ARMC3: variants seen among roughly 807,000 people sequenced by gnomAD.
ARMC3 encodes armadillo repeat containing 3, also known as armadillo repeat-containing protein 3.
In ARMC3, 74 loss-of-function variants were observed where a neutral mutation model predicts 90.3. That is an observed-to-expected ratio of 0.82 (90% CI 0.68 to 0.99). The LOEUF (loss-of-function observed/expected upper bound fraction) is 0.99. ARMC3 is among the 50% of genes least tolerant of loss of function. The pLI, the probability that ARMC3 is intolerant of heterozygous loss-of-function variation, is 0.00. For missense variants in ARMC3, 958 were observed against 1,042.8 expected, an observed-to-expected ratio of 0.92 and a Z score of 1.12; for synonymous variants, 334 against 361.8, an observed-to-expected ratio of 0.92 and a Z score of 0.87.
chr10:22,978,273 G>A (rs1187014611), intron 8 of ARMC3, among the ~76,000 whole-genome samples: 4 of 152,314 alleles, frequency 2.6e-5, no homozygotes, highest in South Asian at 2.1e-4. Context: ...CAGTTCTGCC[G>A]GGCTGGGGAA....
chr10:22,930,644 G>A (rs1833892507), intron 1 of ARMC3, among the ~76,000 whole-genome samples: 2 of 152,148 alleles, frequency 1.3e-5, no homozygotes, highest in African/African-American at 4.8e-5. Context: ...TTTAATGTAT[G>A]TGATAAATTC....
Position 22,972,864 on chromosome 10 carries a change from T to A in ARMC3, c.916+4375T>A, listed in dbSNP as rs182131429. On this transcript the variant is annotated intron_variant, in intron 8 of 18. Transcript: ENST00000298032. ...GATTTATCATTATTTTCCATTTCAG[T>A]CTTATGCAGCAAGTATTTTAGTCTC... is the stretch of plus-strand genomic sequence containing the variant. Among the ~76,000 whole-genome samples the A allele has an allele frequency of 2.2e-3, 338 of 152,330 alleles. 2 individuals carry two copies. The highest frequency in any genetic ancestry group is 7.7e-3 in the African/African-American group (322 of 41,588).
At chr10:22,982,250 C>T (rs531697443) in intron 10 of ARMC3, among the ~76,000 whole-genome samples, 8 of 152,228 alleles carry the variant, frequency 5.3e-5, no homozygotes, top group East Asian at 3.9e-4. Flanking sequence ...TGGTGGCATG[C>T]GCCTGTAATC....
chr10:22,933,721 T>TAA (rs1281084464), intron 2 of ARMC3, among the ~76,000 whole-genome samples: 1 of 152,012 alleles, frequency 6.6e-6, no homozygotes, highest in Non-Finnish European at 1.5e-5. Flanking sequence ...CCGTCTCTAC[T>TAA]AAAAATACAA....
At chr10:23,007,894 A>C (rs1837704526) in intron 14 of ARMC3, among the ~76,000 whole-genome samples, 1 of 152,152 alleles carries the variant, frequency 6.6e-6, no homozygotes, top group Admixed American at 6.5e-5. Context: ...CTTTGAGCTC[A>C]GGAGTTTGAG....
intron 10 of ARMC3, among the ~76,000 whole-genome samples, chr10:22,990,814 T>C (rs1836673917): frequency 6.6e-6 from 1 of 152,212 alleles, no homozygotes; most frequent in Non-Finnish European, 1.5e-5. Context: ...TCCCTTGTGC[T>C]GAAATTCATG....
At chr10:22,985,995 G>A (rs1214049194) in intron 10 of ARMC3, among the ~76,000 whole-genome samples, 1 of 151,708 alleles carries the variant, frequency 6.6e-6, no homozygotes, top group Non-Finnish European at 1.5e-5. Flanking sequence ...TATTTTCAAC[G>A]CTCCTTCCCT....
chr10:22,938,008 T>C (rs1285056256), intron 2 of ARMC3, among the ~76,000 whole-genome samples: 1 of 152,098 alleles, frequency 6.6e-6, no homozygotes, highest in African/African-American at 2.4e-5. Flanking sequence ...TATATTATAG[T>C]GGGAGAAACA....
At chr10:23,029,389 C>A (rs774183212) in intron 16 of ARMC3, among the ~76,000 whole-genome samples, 1 of 152,174 alleles carries the variant, frequency 6.6e-6, no homozygotes, top group Non-Finnish European at 1.5e-5. Context: ...CTGTTGCATG[C>A]ATCCTGTCCA....
intron 2 of ARMC3, among the ~76,000 whole-genome samples, chr10:22,945,144 C>A (rs1398709760): frequency 6.6e-6 from 1 of 152,188 alleles, no homozygotes; most frequent in Non-Finnish European, 1.5e-5. Context: ...CTTCTTTACT[C>A]TTCCAAACTC....
chr10:22,939,486 A>G (rs1048580626), intron 2 of ARMC3, among the ~76,000 whole-genome samples: 2 of 152,204 alleles, frequency 1.3e-5, no homozygotes, highest in African/African-American at 4.8e-5. Context: ...GGCATTAATA[A>G]GAGTCCCCAG....
chr10:22,984,023 A>G (rs1419890678), intron 10 of ARMC3, among the ~76,000 whole-genome samples: 1 of 152,162 alleles, frequency 6.6e-6, no homozygotes, highest in Non-Finnish European at 1.5e-5. Flanking sequence ...AAGGTTTTCT[A>G]ATTATTTTTC....
chr10:22,963,922 CAAAAAAAAA>C (rs35508443), intron 7 of ARMC3, among the ~76,000 whole-genome samples: 135 of 58,486 alleles, frequency 2.3e-3, no homozygotes, highest in African/African-American at 7.3e-3. Context: ...CACACACACA[CAAAAAAAAA>C]AAAAAAAAAA....
rs557333546 is a variant in ARMC3, at chr10:22,986,114, C to T, written c.1175+4414C>T. Among the ~76,000 whole-genome samples the T allele has an allele frequency of 1.4e-5, 2 of 147,138 alleles. 1 individual carries two copies. Among genetic ancestry groups the T allele is most frequent in the South Asian group, 4.6e-4 (2 of 4,370 alleles). On this transcript the variant is annotated intron_variant, in intron 10 of 18. Coordinates refer to ENST00000298032, the MANE Select transcript of ARMC3 (RefSeq NM_173081.5). ...CCCCACACCCCTGCACTGCACGCCC[C>T]CCCCCCGCGCCACACACCAACCACT...
At chr10:22,961,863 A>G (rs1216484108) in intron 6 of ARMC3, 21 bp from the exon 7 acceptor site, 11 of 1,547,746 alleles carry the variant, frequency 7.1e-6, no homozygotes, top group Non-Finnish European at 7.8e-6. Flanking sequence ...AAAATTATTG[A>G]TCATCTGTAT....
intron 2 of ARMC3, among the ~76,000 whole-genome samples, chr10:22,941,898 T>G (rs10764366): frequency 0.37 from 56,764 of 152,064 alleles, 12,196 homozygotes; most frequent in African/African-American, 0.59. Context: ...AGTGAGGCCC[T>G]CTCAATTGCT....
At chr10:22,973,651 T>C (rs145184840) in intron 8 of ARMC3, among the ~76,000 whole-genome samples, 1 of 151,806 alleles carries the variant, frequency 6.6e-6, no homozygotes, top group African/African-American at 2.4e-5. Context: ...TTTATCCTTA[T>C]TCTTTTTTTA....
chr10:22,955,877 A>G lies in ARMC3; in HGVS notation c.237A>G (p.Glu79=). 6.2e-7 allele frequency: 1 copy of G among 1,613,056 alleles called. No individual in the cohort carries two copies. Among genetic ancestry groups the G allele is most frequent in the Non-Finnish European group, 8.5e-7 (1 of 1,179,002 alleles). The change falls in exon 4 of 19, where the codon GAA becomes GAG. Residue 79 remains glutamate (E), a synonymous_variant. Coordinates refer to ENST00000298032, the MANE Select transcript of ARMC3 (RefSeq NM_173081.5). ...VEPLTKLLTH[E]DKIVRRNATM... is the part of the protein sequence containing the mutation. ...CTTTAACTAAGCTACTCACCCATGA[A>G]GACAAAATTGTAAGAAGAAATGCTA...
At chr10:23,002,975 A>T (rs1270131215) in intron 12 of ARMC3, among the ~76,000 whole-genome samples, 2 of 152,198 alleles carry the variant, frequency 1.3e-5, no homozygotes, top group Non-Finnish European at 2.9e-5. Flanking sequence ...GAGGTCCAAT[A>T]CTAATTTTGT....
Sources: gnomAD v4.1 joint callset for allele counts (sites outside exome capture counted in the v4.1 genomes callset) on GRCh38, gnomAD v4.1.1 for gene constraint, MANE v1.5 for transcripts, NCBI Gene and HGNC (gene_info 2026-07-23, HGNC 2026-07-21) for gene names.